Variants in LRRC49 observed in about 807,000 individuals in gnomAD.
LRRC49 encodes leucine rich repeat containing 49.
A neutral mutation model predicts 83.3 loss-of-function variants in LRRC49; 50 were observed. The observed-to-expected ratio is 0.60, with a 90% CI of 0.48 to 0.76. The LOEUF (loss-of-function observed/expected upper bound fraction) is 0.76. Ranked by LOEUF, LRRC49 falls within the 30% of genes least tolerant of loss-of-function variation. The pLI, the probability that LRRC49 is intolerant of heterozygous loss-of-function variation, is 0.00. For synonymous variants in LRRC49, 286 were observed against 283.3 expected, an observed-to-expected ratio of 1.01 and a Z score of -0.10; for missense variants, 704 against 809.1, an observed-to-expected ratio of 0.87 and a Z score of 1.58.
chr15:70,862,678 G>A (rs569183889), intron 1 of LRRC49, among the ~76,000 whole-genome samples: 7 of 151,062 alleles, frequency 4.6e-5, no homozygotes, highest in Non-Finnish European at 8.8e-5. Flanking sequence ...AGCTTTCAAA[G>A]CTCCCAAAAT....
At chr15:70,878,335 G>T (rs2033195350) in intron 2 of LRRC49, among the ~76,000 whole-genome samples, 1 of 151,978 alleles carries the variant, frequency 6.6e-6, no homozygotes, top group Non-Finnish European at 1.5e-5. Context: ...TTCTTAGGAG[G>T]TTCTACGTAC....
chr15:70,963,457 G>C (rs756280811), intron 8 of LRRC49, among the ~76,000 whole-genome samples: 1 of 152,020 alleles, frequency 6.6e-6, no homozygotes, highest in Non-Finnish European at 1.5e-5. Context: ...AGCCTCAGGA[G>C]ATATGACAAC....
At chr15:70,882,298 G>A (rs983695018) in intron 2 of LRRC49, 3 of 608,482 alleles carry the variant, frequency 4.9e-6, no homozygotes, top group Non-Finnish European at 8.5e-6. Context: ...CATTGTGTTG[G>A]CAAGCAAGCA....
At chr15:70,999,797 T>C (rs1395102941) in intron 11 of LRRC49, among the ~76,000 whole-genome samples, 1 of 152,216 alleles carries the variant, frequency 6.6e-6, no homozygotes, top group African/African-American at 2.4e-5. Context: ...TGTTGCTTGC[T>C]GCAGCTACTA....
Position 71,050,736 on chromosome 15 carries a change from AT to A in LRRC49, c.*1125del, listed in dbSNP as rs892352610. The A allele has an allele frequency of 2.0e-5, 3 of 152,166 alleles. No homozygotes were observed. The highest frequency in any genetic ancestry group is 7.2e-5 in the African/African-American group (3 of 41,444). The allele number at this position is 152,166 out of a possible 1,614,324, so 9.4% of individuals were successfully genotyped here. ...TATTGCGGTTCTGAGAAAGACCCACATCCTTAAGATCTCTTGATTACTCTTC... is the reference window on the plus strand; with the variant it reads ...TATTGCGGTTCTGAGAAAGACCCACACCTTAAGATCTCTTGATTACTCTTC... On this transcript the variant is annotated 3_prime_UTR_variant, in exon 16 of 16. Transcript: ENST00000260382.
intron 2 of LRRC49, chr15:70,882,406 T>C (rs776059168): frequency 6.8e-5 from 95 of 1,402,582 alleles, no homozygotes; most frequent in Non-Finnish European, 9.9e-7. Context: ...ATTATGTGAG[T>C]AAAGATTTGA....
At chr15:70,964,425 C>A (rs1479243307) in intron 9 of LRRC49, among the ~76,000 whole-genome samples, 1 of 152,098 alleles carries the variant, frequency 6.6e-6, no homozygotes, top group East Asian at 1.9e-4. Context: ...AAGTACTACA[C>A]CTTAGAAAAT....
At chr15:70,955,562 G>A (rs535016513) in intron 8 of LRRC49, among the ~76,000 whole-genome samples, 1 of 152,298 alleles carries the variant, frequency 6.6e-6, no homozygotes, top group African/African-American at 2.4e-5. Context: ...CAACTTGAGT[G>A]GCTCCTAGGA....
chr15:71,025,083 G>C (rs577083540), intron 14 of LRRC49, among the ~76,000 whole-genome samples: 1 of 152,322 alleles, frequency 6.6e-6, no homozygotes, highest in South Asian at 2.1e-4. Flanking sequence ...TGGGGAACCT[G>C]AAAGAGACAG....
At position 71,016,853 on chromosome 15, in the gene LRRC49, C is replaced by A. The variant is rs537925880; in HGVS notation, c.1703+3940C>A. On this transcript the variant is annotated intron_variant, in intron 14 of 15. Coordinates refer to ENST00000260382, the MANE Select transcript of LRRC49 (RefSeq NM_017691.5). ...TGGCATGGTGGCTCACGCCTGTAGT[C>A]CCAGCACTTTGGGAGGCTGAGGCAG... Among the ~76,000 whole-genome samples, 23 of 152,226 alleles carry A rather than the reference C, an allele frequency of 1.5e-4. No homozygotes were observed. In the East Asian group the frequency reaches 4.4e-3, roughly 29 times the overall value.
In LRRC49 at chr15:70,984,210, C is replaced by A; in HGVS notation, c.1122C>A (p.Pro374=). Residue 374 remains proline, a synonymous_variant, in exon 11 of 16, where the codon CCC becomes CCA. Coordinates refer to ENST00000260382, the MANE Select transcript of LRRC49 (RefSeq NM_017691.5). ...DRKDSDSPQD[P]CQIDGSTLSA... is the part of the protein sequence containing the mutation. ...AAGATTCTGACTCTCCTCAGGACCC[C>A]TGTCAGATTGATGGAAGCACCCTCT... 1 of 1,613,126 alleles carries A rather than the reference C, an allele frequency of 6.2e-7. No homozygotes were observed. Among genetic ancestry groups the A allele is most frequent in the Non-Finnish European group, 8.5e-7 (1 of 1,179,434 alleles).
At chr15:71,037,513 TGAGATGCA>T (rs369293527) in intron 15 of LRRC49, among the ~76,000 whole-genome samples, 181 bp downstream of exon 15, 6 of 152,100 alleles carry the variant, frequency 3.9e-5, no homozygotes, top group African/African-American at 1.4e-4. Context: ...AATAGAGCCC[TGAGATGCA>T]GAAGAACCCA....
chr15:70,867,050 G>A (rs2032928720), intron 1 of LRRC49, among the ~76,000 whole-genome samples: 3 of 108,158 alleles, frequency 2.8e-5, no homozygotes, highest in Admixed American at 1.2e-4. Context: ...TGATCGGAAC[G>A]GAATCCTGAT....
intron 11 of LRRC49, among the ~76,000 whole-genome samples, chr15:70,998,802 G>A (rs753397928): frequency 5.6e-4 from 85 of 151,208 alleles, no homozygotes; most frequent in African/African-American, 1.5e-3. Context: ...CTGTGCTTCC[G>A]AAACTCCCAT....
upstream of LRRC49, among the ~76,000 whole-genome samples, chr15:70,887,573 A>T (rs1382492035): frequency 6.6e-6 from 1 of 152,164 alleles, no homozygotes; most frequent in African/African-American, 2.4e-5. Context: ...TATAATCTAA[A>T]CTAGAAATAA....
chr15:70,859,963 C>G lies in LRRC49; in HGVS notation c.-299+6494C>G, dbSNP rs2032748191. ...TGACAATCCATACGAAGACCACCAGCGGCTATGCAGGTGGTCTGAGCTCCA... is the reference window on the plus strand; with the variant it reads ...TGACAATCCATACGAAGACCACCAGGGGCTATGCAGGTGGTCTGAGCTCCA... On this transcript the variant is annotated intron_variant, in intron 1 of 16. Transcript: ENST00000544974. 3 of 762,844 alleles carry G rather than the reference C, an allele frequency of 3.9e-6. 1 individual carries two copies. Among genetic ancestry groups the G allele is most frequent in the Middle Eastern group, 7.1e-4 (2 of 2,836 alleles). The allele number at this position is 762,844 out of a possible 1,614,324, so 47.3% of individuals were successfully genotyped here. A position where few individuals can be genotyped will look rare whatever the true frequency, so the allele number is the denominator to read the frequency against.
At chr15:70,926,862 C>T (rs113370902) in intron 7 of LRRC49, among the ~76,000 whole-genome samples, 17 of 152,174 alleles carry the variant, frequency 1.1e-4, no homozygotes, top group African/African-American at 2.7e-4. Context: ...CCAGAATCTA[C>T]GAAGAACTCA....
rs373974410 is a variant in LRRC49, at chr15:70,895,773, TG to T, written c.106-75del. Reference sequence around the variant, plus strand: ...TGTACCATGTGTATCAGTTATTATATGTTTTTTTAATTTATCTTCACTGCTT... The same window carrying T: ...TGTACCATGTGTATCAGTTATTATATTTTTTTTAATTTATCTTCACTGCTT... On this transcript the variant is annotated intron_variant, in intron 2 of 15. Coordinates refer to ENST00000260382, the MANE Select transcript of LRRC49 (RefSeq NM_017691.5). The T allele has an allele frequency of 1.2e-3, 1,027 of 827,238 alleles. 10 individuals carry two copies. In the African/African-American group the frequency reaches 0.016, roughly 13 times the overall value. 51.2% of individuals were successfully genotyped at this position (827,238 alleles called of 1,614,324 possible). A position where few individuals can be genotyped will look rare whatever the true frequency, so the allele number is the denominator to read the frequency against.
At chr15:70,965,416 A>G (rs747960361) in intron 9 of LRRC49, among the ~76,000 whole-genome samples, 3 of 152,120 alleles carry the variant, frequency 2.0e-5, no homozygotes, top group Non-Finnish European at 2.9e-5. Flanking sequence ...CAGCAAAAAG[A>G]TGCAGTTTAA....
Sources: allele counts gnomAD v4.1 joint callset (sites outside exome capture counted in the v4.1 genomes callset), GRCh38; gene constraint gnomAD v4.1.1; transcripts MANE v1.5; gene names NCBI Gene and HGNC (gene_info 2026-07-23, HGNC 2026-07-21).